The following CNBD2 variants were observed in gnomAD, a reference collection of about 807,000 sequenced individuals.
CNBD2 encodes the protein cyclic nucleotide binding domain containing 2.
A neutral mutation model predicts 63.7 loss-of-function variants in CNBD2; 64 were observed. That is an observed-to-expected ratio of 1.00 (90% confidence interval 0.82 to 1.24). CNBD2 has a LOEUF of 1.24. Among genes scored for constraint, CNBD2 ranks in the 50% most tolerant of loss-of-function variants. The pLI is 0.00. For synonymous variants in CNBD2, 229 were observed against 255.4 expected, an observed-to-expected ratio of 0.90 and a Z score of 0.99; for missense variants, 691 against 713.5, an observed-to-expected ratio of 0.97 and a Z score of 0.36.
At chr20:35,998,658 C>T (rs2056857765) in intron 8 of CNBD2, among the ~76,000 whole-genome samples, 1 of 151,986 alleles carries the variant, frequency 6.6e-6, no homozygotes, top group Non-Finnish European at 1.5e-5. Context: ...CACCTGAGGT[C>T]AGGAGTTCGA....
rs148649355 is a variant in CNBD2 at position 35,989,288 on chromosome 20, C to G, written c.855+1755C>G. ...CTGGTTCTTACAGATTAAGCCACCA[C>G]AGGCATTTGTTGAGTTTTTGCCAAG... On this transcript the variant is annotated intron_variant, in intron 7 of 11. Transcript: ENST00000373973. Among the ~76,000 whole-genome samples, 51 of 152,338 alleles carry G rather than the reference C, an allele frequency of 3.3e-4. No individual in the cohort carries two copies. The East Asian group carries it at 9.6e-3, about 29-fold the overall frequency.
At chr20:35,976,112 C>T (rs1316160648) in intron 3 of CNBD2, 110 bp downstream of exon 3, 1 of 926,142 alleles carries the variant, frequency 1.1e-6, no homozygotes, top group Non-Finnish European at 1.7e-6. Flanking sequence ...GCTCTGCCAC[C>T]AACTCAGCTT....
intron 5 of CNBD2, 92 bp from the exon 6 acceptor site, chr20:35,984,533 CAG>C (rs1421536357): frequency 7.4e-7 from 1 of 1,349,682 alleles, no homozygotes; most frequent in African/African-American, 1.5e-5. Flanking sequence ...GGAGAGAATT[CAG>C]GGGGAAGATG....
intron 10 of CNBD2, among the ~76,000 whole-genome samples, chr20:36,021,556 G>T (rs1335072407): frequency 6.6e-6 from 1 of 152,194 alleles, no homozygotes; most frequent in African/African-American, 2.4e-5. Flanking sequence ...AACCCCATGT[G>T]TCCTCCACAG....
intron 2 of CNBD2, among the ~76,000 whole-genome samples, chr20:35,975,296 C>T (rs1282154789): frequency 2.4e-5 from 3 of 123,546 alleles, no homozygotes; most frequent in African/African-American, 6.3e-5. Flanking sequence ...CCACCGCGCC[C>T]GGCCTCTTTT....
chr20:35,959,674 T>C (rs2056291133), downstream of CNBD2, among the ~76,000 whole-genome samples: 1 of 152,164 alleles, frequency 6.6e-6, no homozygotes, highest in African/African-American at 2.4e-5. Flanking sequence ...GAGATTTGGG[T>C]GCGGATACAG....
rs866127473 is a variant in CNBD2 at position 35,975,243 on chromosome 20, C to T, written c.190-706C>T. Among the ~76,000 whole-genome samples, 275 of 136,458 alleles carry T rather than the reference C, an allele frequency of 2.0e-3. 10 individuals are homozygous for T. The highest frequency in any genetic ancestry group is 7.4e-3 in the African/African-American group (256 of 34,430). 89.5% of individuals were successfully genotyped at this position (136,458 alleles called of 152,430 possible). A position where few individuals can be genotyped will look rare whatever the true frequency, so the allele number is the denominator to read the frequency against. On this transcript the variant is annotated intron_variant, in intron 2 of 11. Transcript: ENST00000373973. ...GTCTCGATCTCCTGACCTCGTGATC[C>T]GCCCGCCTCGGCCTCCCAAAGTGCT...
chr20:36,016,976 T>C (rs1169743264), intron 10 of CNBD2, among the ~76,000 whole-genome samples: 3 of 151,444 alleles, frequency 2.0e-5, no homozygotes, highest in African/African-American at 7.3e-5. Context: ...GGAGGATTGC[T>C]TGACCCTGTG....
At chr20:36,003,125 A>G (rs2056938386) in intron 8 of CNBD2, among the ~76,000 whole-genome samples, 1 of 151,918 alleles carries the variant, frequency 6.6e-6, no homozygotes, top group African/African-American at 2.4e-5. Context: ...TTATATCTCA[A>G]AGTTTGATTT....
chr20:35,978,640 G>A (rs568192771), intron 3 of CNBD2, among the ~76,000 whole-genome samples: 17 of 152,016 alleles, frequency 1.1e-4, no homozygotes, highest in East Asian at 9.7e-4. Context: ...CACCGTGCCC[G>A]GCCCAATGCC....
chr20:36,030,530 A>G lies in CNBD2; in HGVS notation c.1613A>G (p.Asn538Ser), dbSNP rs2057332354. 2 of 1,614,086 alleles carry G rather than the reference A, an allele frequency of 1.2e-6. No individual in the cohort carries two copies. The highest frequency in any genetic ancestry group is 1.7e-5 in the Admixed American group (1 of 59,998). Reference sequence around the variant, plus strand: ...GTGGTCCTGGATTTGTGCAGCATCAACAAGACGACTAAACCTCGTTATCCT... The same window carrying G: ...GTGGTCCTGGATTTGTGCAGCATCAGCAAGACGACTAAACCTCGTTATCCT... ...KSVVLDLCSI[N>S]KTTKPRYPIF... The change falls in exon 12 of 12, where the codon AAC becomes AGC. Residue 538 changes from asparagine (N) to serine (S), a missense_variant. By Grantham distance (46) the Asn-to-Ser change is conservative. Coordinates refer to ENST00000373973, the MANE Select transcript of CNBD2 (RefSeq NM_001365709.1).
At chr20:35,967,743 C>T (rs780333287), upstream of CNBD2, among the ~76,000 whole-genome samples, 1 of 152,002 alleles carries the variant, frequency 6.6e-6, no homozygotes, top group Non-Finnish European at 1.5e-5. Flanking sequence ...ATCCTAGCTA[C>T]TTGGGCGGCT....
intron 10 of CNBD2, among the ~76,000 whole-genome samples, chr20:36,014,371 C>G: frequency 6.7e-6 from 1 of 149,556 alleles, no homozygotes; most frequent in African/African-American, 2.5e-5. Flanking sequence ...TCTCTGTCAC[C>G]CAGGCTGGAG....
chr20:36,025,638 TTAGA>T (rs2057274095), intron 11 of CNBD2, among the ~76,000 whole-genome samples: 2 of 130,574 alleles, frequency 1.5e-5, no homozygotes, highest in Non-Finnish European at 3.0e-5. Context: ...TCTTGAAAGA[TTAGA>T]TAATTTTTTT....
chr20:35,954,991 C>T, exon 1 of CNBD2: 1 of 188,444 alleles, frequency 5.3e-6, no homozygotes. Context: ...CTTACTGCGA[C>T]GATGACAAAG....
At chr20:36,004,674 C>T (rs1372714699) in intron 8 of CNBD2, among the ~76,000 whole-genome samples, 1 of 151,960 alleles carries the variant, frequency 6.6e-6, no homozygotes, top group Non-Finnish European at 1.5e-5. Context: ...TCAAGCAGTC[C>T]TCTCGCCTCT....
At chr20:35,980,709 C>A in intron 4 of CNBD2, 87 bp downstream of exon 4, 1 of 1,223,408 alleles carries the variant, frequency 8.2e-7, no homozygotes, top group Non-Finnish European at 1.2e-6. Flanking sequence ...AGGTCCTGCC[C>A]ACCCCTCTGC....
downstream of CNBD2, among the ~76,000 whole-genome samples, chr20:35,960,215 C>A (rs1171117734): frequency 1.3e-5 from 2 of 152,132 alleles, no homozygotes; most frequent in East Asian, 1.9e-4. Context: ...TAGGACAACC[C>A]CTTTACTTCA....
intron 1 of CNBD2, among the ~76,000 whole-genome samples, chr20:35,970,890 CT>C (rs112653769): frequency 6.6e-6 from 1 of 150,576 alleles, no homozygotes; most frequent in East Asian, 2.0e-4. Flanking sequence ...TAACGATGTA[CT>C]TTTCAATAGA....
Sources: allele counts gnomAD v4.1 joint callset (sites outside exome capture counted in the v4.1 genomes callset), GRCh38; gene constraint gnomAD v4.1.1; transcripts MANE v1.5; gene names NCBI Gene and HGNC (gene_info 2026-07-23, HGNC 2026-07-21).